The following CDH18 variants were observed in gnomAD, a reference collection of about 807,000 sequenced individuals.
The protein encoded by CDH18 is cadherin-18.
Under a neutral mutation model 67.9 loss-of-function variants are expected in CDH18, and 31 were observed. That is an observed-to-expected ratio of 0.46 (90% CI 0.34 to 0.62). The LOEUF (loss-of-function observed/expected upper bound fraction) is 0.62. Among genes scored for constraint, CDH18 ranks in the 20% least tolerant of loss-of-function variants. CDH18 has a pLI of 0.01. For missense variants in CDH18, 890 were observed against 975.5 expected, an observed-to-expected ratio of 0.91 and a Z score of 1.17; for synonymous variants, 362 against 347.2, an observed-to-expected ratio of 1.04 and a Z score of -0.48.
At chr5:19,597,087 T>G (rs1208024723) in intron 6 of CDH18, among the ~76,000 whole-genome samples, 5 of 152,206 alleles carry the variant, frequency 3.3e-5, no homozygotes, top group Non-Finnish European at 1.5e-5. Flanking sequence ...GGGAACACTT[T>G]CTCACTCCCT....
intron 2 of CDH18, among the ~76,000 whole-genome samples, chr5:20,176,786 T>A (rs1391564101): frequency 6.6e-6 from 1 of 152,174 alleles, no homozygotes. Context: ...AAATGGTGAC[T>A]TGGAAGTTCT....
chr5:19,699,302 C>T (rs1005420879), intron 5 of CDH18, among the ~76,000 whole-genome samples: 1 of 152,038 alleles, frequency 6.6e-6, no homozygotes, highest in East Asian at 1.9e-4. Context: ...CTATGAAAGG[C>T]TAGTTAGAGT....
chr5:20,512,626 A>G (rs1366579166), intron 1 of CDH18, among the ~76,000 whole-genome samples: 1 of 151,940 alleles, frequency 6.6e-6, no homozygotes, highest in Non-Finnish European at 1.5e-5. Context: ...GGTCACGCCT[A>G]TAATCCCAAC....
In CDH18 at chr5:20,435,305, C is replaced by T. The variant is rs990704044; in HGVS notation, c.-580+140157G>A. On this transcript the variant is annotated intron_variant, in intron 1 of 14. Coordinates refer to the CDH18 transcript ENST00000507958. ...AACCAGATCTTGTCCTCCTTTGTAT[C>T]TTCAGGGTTTGTACAGCCAGTACTA... Among the ~76,000 whole-genome samples, 30 of 152,006 alleles carry T rather than the reference C, an allele frequency of 2.0e-4. 1 individual carries two copies. Among genetic ancestry groups the T allele is most frequent in the Admixed American group, 1.5e-3 (23 of 15,212 alleles).
At chr5:20,059,179 C>T (rs893221795) in intron 2 of CDH18, among the ~76,000 whole-genome samples, 4 of 151,862 alleles carry the variant, frequency 2.6e-5, no homozygotes, top group Non-Finnish European at 4.4e-5. Context: ...GGTGATATCC[C>T]CTTTATCGTT....
chr5:20,510,896 A>G (rs62355188), intron 1 of CDH18, among the ~76,000 whole-genome samples: 3,053 of 152,318 alleles, frequency 0.02, 46 homozygotes, highest in African/African-American at 0.04. Flanking sequence ...GCAAGTAGAC[A>G]TAGAAATTTA....
At chr5:19,919,506 A>C (rs1353239427) in intron 2 of CDH18, among the ~76,000 whole-genome samples, 4 of 152,198 alleles carry the variant, frequency 2.6e-5, no homozygotes, top group Non-Finnish European at 5.9e-5. Context: ...AGCTACTATC[A>C]GAATCAAATT....
At chr5:19,719,400 G>C (rs1765725026) in intron 5 of CDH18, among the ~76,000 whole-genome samples, 2 of 151,872 alleles carry the variant, frequency 1.3e-5, no homozygotes, top group South Asian at 4.1e-4. Context: ...CTTTCCTCTA[G>C]GGAGATGTGT....
At chr5:20,331,816 G>A (rs552079800) in intron 1 of CDH18, among the ~76,000 whole-genome samples, 23 of 152,182 alleles carry the variant, frequency 1.5e-4, no homozygotes, top group South Asian at 8.3e-4. Context: ...AGGCTATTTC[G>A]TGCCCAAATA....
At chr5:19,976,716 G>A (rs1371570166) in intron 2 of CDH18, among the ~76,000 whole-genome samples, 2 of 152,018 alleles carry the variant, frequency 1.3e-5, no homozygotes, top group Non-Finnish European at 2.9e-5. Flanking sequence ...ATGATACAGA[G>A]TTGAAAATAG....
chr5:20,269,063 G>A (rs1008613589), intron 1 of CDH18, among the ~76,000 whole-genome samples: 5 of 152,064 alleles, frequency 3.3e-5, no homozygotes, highest in African/African-American at 1.2e-4. Context: ...CATTAAAAAT[G>A]GGCAAAGGAT....
intron 2 of CDH18, among the ~76,000 whole-genome samples, chr5:20,038,039 A>G (rs1054726221): frequency 2.6e-5 from 4 of 152,284 alleles, no homozygotes; most frequent in African/African-American, 9.6e-5. Flanking sequence ...CCCCACAGAA[A>G]AACAAACTAC....
chr5:19,638,773 A>T (rs1753538489), intron 5 of CDH18, among the ~76,000 whole-genome samples: 1 of 151,994 alleles, frequency 6.6e-6, no homozygotes, highest in Admixed American at 6.5e-5. Context: ...TAATTATATT[A>T]AAAGGATAGG....
At chr5:20,098,201 G>A (rs1746154092) in intron 2 of CDH18, among the ~76,000 whole-genome samples, 1 of 151,888 alleles carries the variant, frequency 6.6e-6, no homozygotes, top group Non-Finnish European at 1.5e-5. Context: ...CTAAGGATAT[G>A]ATTTATCCTA....
intron 2 of CDH18, among the ~76,000 whole-genome samples, chr5:19,973,842 T>A (rs10075598): frequency 0.12 from 18,782 of 151,928 alleles, 3,315 homozygotes; most frequent in African/African-American, 0.39. Flanking sequence ...GTTTTTGAGG[T>A]GATGGCAAGA....
intron 1 of CDH18, among the ~76,000 whole-genome samples, chr5:20,565,425 C>A (rs2052865): frequency 0.27 from 41,665 of 151,900 alleles, 7,205 homozygotes; most frequent in African/African-American, 0.49. Context: ...AAAATCTTAG[C>A]TGTGGCGGTT....
intron 2 of CDH18, among the ~76,000 whole-genome samples, chr5:20,225,804 T>C (rs1203746961): frequency 6.6e-6 from 1 of 152,218 alleles, no homozygotes; most frequent in East Asian, 1.9e-4. Flanking sequence ...TTTTGATCAG[T>C]AGGAGAAGGG....
At chr5:20,299,713 G>A (rs984742597) in intron 1 of CDH18, among the ~76,000 whole-genome samples, 2 of 133,762 alleles carry the variant, frequency 1.5e-5, no homozygotes, top group African/African-American at 2.8e-5. Flanking sequence ...AGCCAAGATC[G>A]CACCACTGTA....
At chr5:19,934,827 A>C (rs1273296285) in intron 2 of CDH18, among the ~76,000 whole-genome samples, 1 of 151,414 alleles carries the variant, frequency 6.6e-6, no homozygotes, top group Admixed American at 6.6e-5. Context: ...AAAACTCTAG[A>C]TCTATCAAAG....
Sources: gnomAD v4.1 joint callset for allele counts (sites outside exome capture counted in the v4.1 genomes callset) on GRCh38, gnomAD v4.1.1 for gene constraint, MANE v1.5 for transcripts, NCBI Gene and HGNC (gene_info 2026-07-23, HGNC 2026-07-21) for gene names.